CTNND2: variants seen among roughly 807,000 people sequenced by gnomAD.
The protein encoded by CTNND2 is catenin delta 2, also known as catenin delta-2.
CTNND2 carries 22 observed loss-of-function variants against 144.4 expected under a neutral mutation model. The ratio of observed to expected loss-of-function variants is 0.15; its 90% CI spans 0.11 to 0.22. The LOEUF (loss-of-function observed/expected upper bound fraction) is 0.22, where lower values mean the gene tolerates loss of function less well. Among genes scored for constraint, CTNND2 ranks in the 10% least tolerant of loss-of-function variants. CTNND2 has a pLI of 1.00. For synonymous variants in CTNND2, 751 were observed against 695.6 expected, an observed-to-expected ratio of 1.08 and a Z score of -1.25; for missense variants, 1,353 against 1,618.8, an observed-to-expected ratio of 0.84 and a Z score of 2.82.
chr5:11,442,080 T>C (rs1451137780), intron 3 of CTNND2, among the ~76,000 whole-genome samples: 1 of 152,152 alleles, frequency 6.6e-6, no homozygotes, highest in Admixed American at 6.5e-5. Context: ...ATAGAAAAAA[T>C]TTAGAAATTC....
intron 3 of CTNND2, among the ~76,000 whole-genome samples, chr5:11,447,121 C>T (rs1056578109): frequency 6.6e-6 from 1 of 152,074 alleles, no homozygotes; most frequent in African/African-American, 2.4e-5. Context: ...AGGCGGGCAG[C>T]TCAATTGCGG....
chr5:11,745,191 CTG>C (rs1788241654), intron 1 of CTNND2, among the ~76,000 whole-genome samples: 1 of 152,146 alleles, frequency 6.6e-6, no homozygotes, highest in Non-Finnish European at 1.5e-5. Flanking sequence ...TCTTGGAATT[CTG>C]TGTCATATCC....
intron 9 of CTNND2, among the ~76,000 whole-genome samples, chr5:11,276,579 T>C (rs1746552586): frequency 6.6e-6 from 1 of 152,202 alleles, no homozygotes; most frequent in African/African-American, 2.4e-5. Flanking sequence ...GACTAGGGTA[T>C]AGTGCATAGT....
At chr5:11,530,689 G>A (rs1773673657) in intron 3 of CTNND2, among the ~76,000 whole-genome samples, 2 of 152,176 alleles carry the variant, frequency 1.3e-5, no homozygotes, top group Admixed American at 1.3e-4. Context: ...CATAAGAGGG[G>A]CAGAGCCTTA....
At chr5:11,682,297 A>T (rs1191945677) in intron 2 of CTNND2, among the ~76,000 whole-genome samples, 1 of 152,216 alleles carries the variant, frequency 6.6e-6, no homozygotes, top group African/African-American at 2.4e-5. Context: ...TTTAGAAACC[A>T]ACAGATGGAA....
At chr5:11,361,937 C>T (rs910169803) in intron 8 of CTNND2, among the ~76,000 whole-genome samples, 1 of 152,198 alleles carries the variant, frequency 6.6e-6, no homozygotes, top group Non-Finnish European at 1.5e-5. Context: ...ATGAATTGTA[C>T]TGAAAGACCT....
intron 1 of CTNND2, among the ~76,000 whole-genome samples, chr5:11,776,204 G>A (rs1170213077): frequency 6.6e-6 from 1 of 152,100 alleles, no homozygotes; most frequent in Non-Finnish European, 1.5e-5. Flanking sequence ...AACAATGGTG[G>A]GGGCAGAATC....
At chr5:11,708,860 T>A (rs1219292692) in intron 2 of CTNND2, among the ~76,000 whole-genome samples, 1 of 152,222 alleles carries the variant, frequency 6.6e-6, no homozygotes, top group East Asian at 1.9e-4. Flanking sequence ...AGGCATCCAC[T>A]GATGGGATCT....
intron 1 of CTNND2, among the ~76,000 whole-genome samples, chr5:11,742,594 C>T (rs928601130): frequency 6.6e-6 from 1 of 152,146 alleles, no homozygotes; most frequent in Non-Finnish European, 1.5e-5. Context: ...CATCATCAGG[C>T]ATTACTTTCA....
intron 3 of CTNND2, among the ~76,000 whole-genome samples, chr5:11,420,815 T>C (rs950838626): frequency 1.3e-5 from 2 of 152,198 alleles, no homozygotes; most frequent in Non-Finnish European, 2.9e-5. Context: ...GCTTTAACTA[T>C]TGCCATCAAA....
At chr5:11,771,772 T>A (rs1789956554) in intron 1 of CTNND2, among the ~76,000 whole-genome samples, 1 of 152,220 alleles carries the variant, frequency 6.6e-6, no homozygotes. Flanking sequence ...TTCCCACTAT[T>A]AAAAGAGATT....
chr5:11,608,956 C>A (rs1780188663), intron 2 of CTNND2, among the ~76,000 whole-genome samples: 2 of 152,136 alleles, frequency 1.3e-5, no homozygotes, highest in South Asian at 4.1e-4. Context: ...TTTTACTAAG[C>A]CCCAGCCATA....
intron 9 of CTNND2, among the ~76,000 whole-genome samples, chr5:11,333,589 C>A (rs946628071): frequency 6.6e-6 from 1 of 152,162 alleles, no homozygotes; most frequent in African/African-American, 2.4e-5. Flanking sequence ...AACAAATCAT[C>A]ATCCCACAAA....
At chr5:11,637,880 AT>A (rs1225691919) in intron 2 of CTNND2, among the ~76,000 whole-genome samples, 1 of 152,288 alleles carries the variant, frequency 6.6e-6, no homozygotes, top group East Asian at 1.9e-4. Context: ...AGATTAAGAC[AT>A]TTGAGTTCTA....
intron 9 of CTNND2, among the ~76,000 whole-genome samples, chr5:11,281,596 A>C (rs951183407): frequency 3.3e-5 from 5 of 152,236 alleles, no homozygotes; most frequent in Non-Finnish European, 7.3e-5. Context: ...CATAAACAAC[A>C]TAGATTTGTT....
chr5:11,513,755 T>C (rs1771871349), intron 3 of CTNND2, among the ~76,000 whole-genome samples: 1 of 152,160 alleles, frequency 6.6e-6, no homozygotes. Context: ...AGTGAACCAC[T>C]CATTTAACAG....
chr5:11,845,378 C>G (rs1794685164), intron 1 of CTNND2, among the ~76,000 whole-genome samples: 2 of 152,106 alleles, frequency 1.3e-5, no homozygotes, highest in Non-Finnish European at 2.9e-5. Context: ...AGCATCATAA[C>G]CCCCAGTACC....
intron 19 of CTNND2, among the ~76,000 whole-genome samples, chr5:10,989,901 C>T (rs554456361): frequency 4.6e-5 from 7 of 152,304 alleles, no homozygotes; most frequent in South Asian, 4.1e-4. Flanking sequence ...AATAAAATCA[C>T]GCCTCAATGC....
At chr5:11,353,530 T>C (rs755581425) in intron 8 of CTNND2, among the ~76,000 whole-genome samples, 7 of 152,150 alleles carry the variant, frequency 4.6e-5, no homozygotes, top group Non-Finnish European at 5.9e-5. Context: ...TAGGGCTGGG[T>C]GCAGTGGCTC....
Sources: allele counts gnomAD v4.1 joint callset (sites outside exome capture counted in the v4.1 genomes callset), GRCh38; gene constraint gnomAD v4.1.1; transcripts MANE v1.5; gene names NCBI Gene and HGNC (gene_info 2026-07-23, HGNC 2026-07-21).